The following SCAND3 variants were observed in gnomAD, a reference collection of about 807,000 sequenced individuals.
SCAND3 encodes SCAN domain-containing protein 3.
chr6:28,595,558 C>T, the SCAND3 span, among the ~76,000 whole-genome samples: 1 of 151,714 alleles, frequency 6.6e-6, no homozygotes. Context: ...CCCGTCTCTA[C>T]TAAAAATACA....
chr6:28,587,829 C>T, the SCAND3 span: 1 of 150,708 alleles, frequency 6.6e-6, no homozygotes, highest in South Asian at 2.2e-4. Context: ...AGAGCCGTGA[C>T]TAAACAACTG....
the SCAND3 span, among the ~76,000 whole-genome samples, chr6:28,595,574 T>G: frequency 6.6e-6 from 1 of 151,538 alleles, no homozygotes; most frequent in Non-Finnish European, 1.5e-5. Context: ...ATACAAAAAT[T>G]AGCTGGGCTT....
the SCAND3 span, among the ~76,000 whole-genome samples, chr6:28,606,606 T>C: frequency 6.6e-6 from 1 of 152,166 alleles, no homozygotes; most frequent in Non-Finnish European, 1.5e-5. Context: ...GACGTGCGGA[T>C]CTGGGTGCCT....
chr6:28,610,044 T>C, the SCAND3 span, among the ~76,000 whole-genome samples: 1 of 151,306 alleles, frequency 6.6e-6, no homozygotes, highest in Non-Finnish European at 1.5e-5. Context: ...AGCAACAGGG[T>C]GCAACGCCGT....
At chr6:28,576,658 G>A in the SCAND3 span, among the ~76,000 whole-genome samples, 1 of 152,186 alleles carries the variant, frequency 6.6e-6, no homozygotes, top group South Asian at 2.1e-4. Context: ...AAACAATAAA[G>A]AGCAGAAAGC....
the SCAND3 span, chr6:28,575,546 C>G: frequency 6.2e-7 from 1 of 1,613,916 alleles, no homozygotes. This position sits in a 1 kb window ranked among gnomAD's most constrained non-coding sequence, Gnocchi z 4.2. Context: ...TACTCCCCAT[C>G]AGGATTCAAC....
the SCAND3 span, chr6:28,576,041 T>A: frequency 1.9e-6 from 3 of 1,613,838 alleles, no homozygotes; most frequent in Non-Finnish European, 2.5e-6. Context: ...TTTTCTCTCA[T>A]GTTTTCTGGT....
the SCAND3 span, among the ~76,000 whole-genome samples, chr6:28,607,698 G>A: frequency 2.6e-5 from 4 of 152,088 alleles, no homozygotes; most frequent in East Asian, 3.9e-4. Flanking sequence ...AGTATTGTGC[G>A]GTGATAGGTA....
the SCAND3 span, among the ~76,000 whole-genome samples, chr6:28,611,755 A>G: frequency 2.0e-5 from 3 of 152,322 alleles, no homozygotes; most frequent in South Asian, 2.1e-4. Context: ...TTTAGTATCT[A>G]CTTTTAACCT....
the SCAND3 span, among the ~76,000 whole-genome samples, chr6:28,605,680 A>AC: frequency 3.1e-5 from 4 of 129,978 alleles, no homozygotes; most frequent in Non-Finnish European, 4.7e-5. Flanking sequence ...AAAAAATACA[A>AC]AAAAAAAAAA....
At chr6:28,590,699 C>A in the SCAND3 span, 4 of 152,134 alleles carry the variant, frequency 2.6e-5, no homozygotes, top group Admixed American at 2.6e-4. Context: ...TACCAAAAAA[C>A]CAAATCGAAT....
the SCAND3 span, among the ~76,000 whole-genome samples, chr6:28,598,876 CAAAAAAAAA>C: frequency 1.3e-5 from 1 of 74,314 alleles, no homozygotes; most frequent in Admixed American, 1.6e-4. Flanking sequence ...GACTATGTCT[CAAAAAAAAA>C]AAAAAAAAAG....
At chr6:28,603,238 G>A in the SCAND3 span, among the ~76,000 whole-genome samples, 62 of 152,078 alleles carry the variant, frequency 4.1e-4, no homozygotes, top group African/African-American at 1.4e-3. Context: ...GATTACAGGC[G>A]TGAGCCACCG....
At chr6:28,601,831 C>T in the SCAND3 span, among the ~76,000 whole-genome samples, 2 of 152,132 alleles carry the variant, frequency 1.3e-5, no homozygotes, top group South Asian at 4.2e-4. Context: ...AATTCTCACT[C>T]TTAAGGCTCC....
the SCAND3 span, chr6:28,586,564 G>T: frequency 6.2e-7 from 1 of 1,614,206 alleles, no homozygotes. This position sits in a 1 kb window ranked among gnomAD's most constrained non-coding sequence, Gnocchi z 4.4. Context: ...AAGCGCTGAC[G>T]AGAGAGTTCC....
At chr6:28,606,978 G>C in the SCAND3 span, among the ~76,000 whole-genome samples, 1 of 152,208 alleles carries the variant, frequency 6.6e-6, no homozygotes, top group African/African-American at 2.4e-5. Flanking sequence ...CTGCTTTCAG[G>C]CTCCTTCCTT....
At chr6:28,583,345 A>G in the SCAND3 span, among the ~76,000 whole-genome samples, 1 of 152,160 alleles carries the variant, frequency 6.6e-6, no homozygotes, top group African/African-American at 2.4e-5. Flanking sequence ...TCGTGCCACT[A>G]CACTGCAGCC....
At chr6:28,578,358 T>A in the SCAND3 span, among the ~76,000 whole-genome samples, 403 of 152,280 alleles carry the variant, frequency 2.6e-3, no homozygotes, top group African/African-American at 8.5e-3. Flanking sequence ...TCTTTAACTG[T>A]TTTATAGGTA....
At chr6:28,615,325 T>C in the SCAND3 span, among the ~76,000 whole-genome samples, 2 of 152,238 alleles carry the variant, frequency 1.3e-5, no homozygotes, top group East Asian at 3.9e-4. Context: ...CTAGAAAGAC[T>C]AGACATTTCC....
Sources: allele counts gnomAD v4.1 joint callset (sites outside exome capture counted in the v4.1 genomes callset), GRCh38; gene constraint gnomAD v4.1.1; non-coding constraint Gnocchi (gnomAD v3.1); transcripts MANE v1.5; gene names NCBI Gene and HGNC (gene_info 2026-07-23, HGNC 2026-07-21).